The following RBFOX1 variants were observed in gnomAD, a reference collection of about 807,000 sequenced individuals.
RBFOX1 encodes RNA binding protein fox-1 homolog 1.
A neutral mutation model predicts 57.7 loss-of-function variants in RBFOX1; 8 were observed. That is an observed-to-expected ratio of 0.14 (90% CI 0.08 to 0.25). RBFOX1 has a LOEUF of 0.25. Among genes scored for constraint, RBFOX1 ranks in the 10% least tolerant of loss-of-function variants. The pLI is 1.00. For missense variants in RBFOX1, 611 were observed against 548.5 expected, an observed-to-expected ratio of 1.11 and a Z score of -1.14; for synonymous variants, 326 against 222.4, an observed-to-expected ratio of 1.47 and a Z score of -4.15.
At chr16:7,082,354 G>T (rs1349472056) in intron 4 of RBFOX1, among the ~76,000 whole-genome samples, 1 of 152,076 alleles carries the variant, frequency 6.6e-6, no homozygotes, top group Non-Finnish European at 1.5e-5. Context: ...GCCGAGGTGG[G>T]TGGATCATTT....
intron 14 of RBFOX1, among the ~76,000 whole-genome samples, chr16:7,706,045 C>G (rs997087099): frequency 1.3e-5 from 2 of 152,106 alleles, no homozygotes; most frequent in African/African-American, 4.8e-5. Flanking sequence ...TTGCTGTGCT[C>G]TGTCTCCGGG....
chr16:5,750,377 A>G (rs1197546337), intron 3 of RBFOX1, among the ~76,000 whole-genome samples: 1 of 152,178 alleles, frequency 6.6e-6, no homozygotes, highest in African/African-American at 2.4e-5. Flanking sequence ...TGGGAGAACT[A>G]GTACTCTCTT....
At chr16:6,908,438 C>T (rs2070665232) in intron 3 of RBFOX1, among the ~76,000 whole-genome samples, 2 of 146,132 alleles carry the variant, frequency 1.4e-5, no homozygotes, top group African/African-American at 4.9e-5. Flanking sequence ...ATACCTCTGG[C>T]CTCTGGTGTG....
intron 2 of RBFOX1, among the ~76,000 whole-genome samples, chr16:5,531,546 C>G (rs964323514): frequency 1.3e-5 from 2 of 152,170 alleles, no homozygotes; most frequent in African/African-American, 4.8e-5. Context: ...AGCCTTGGCT[C>G]TGCTACATTC....
chr16:6,800,444 A>C (rs117133413), intron 3 of RBFOX1, among the ~76,000 whole-genome samples: 1 of 152,062 alleles, frequency 6.6e-6, no homozygotes, highest in African/African-American at 2.4e-5. Context: ...GGATCTTGCT[A>C]AATGCAAATT....
intron 3 of RBFOX1, among the ~76,000 whole-genome samples, chr16:6,954,660 T>A (rs1195117321): frequency 1.3e-5 from 2 of 152,026 alleles, no homozygotes; most frequent in Non-Finnish European, 2.9e-5. Flanking sequence ...AGTTCTCCAA[T>A]ATCAGGTCAT....
chr16:7,436,447 A>G (rs1375536561), intron 4 of RBFOX1, among the ~76,000 whole-genome samples: 1 of 152,224 alleles, frequency 6.6e-6, no homozygotes, highest in East Asian at 1.9e-4. Flanking sequence ...GACAGTGTCC[A>G]TCAGATCACT....
At chr16:5,697,198 T>C (rs2151473456) in intron 3 of RBFOX1, among the ~76,000 whole-genome samples, 1 of 152,304 alleles carries the variant, frequency 6.6e-6, no homozygotes, top group South Asian at 2.1e-4. Context: ...TAAACTCTAA[T>C]AATCCTAATA....
intron 2 of RBFOX1, among the ~76,000 whole-genome samples, chr16:5,532,120 G>A (rs548409239): frequency 7.2e-5 from 11 of 152,108 alleles, no homozygotes; most frequent in Non-Finnish European, 1.0e-4. Context: ...CTTGATCAGG[G>A]CTTCCCAACC....
At chr16:6,804,936 T>C (rs759097589) in intron 3 of RBFOX1, among the ~76,000 whole-genome samples, 5 of 152,192 alleles carry the variant, frequency 3.3e-5, no homozygotes, top group Non-Finnish European at 5.9e-5. Flanking sequence ...TCTCATATGC[T>C]GTTGGTCGGA....
intron 3 of RBFOX1, among the ~76,000 whole-genome samples, chr16:6,795,778 G>T (rs912778499): frequency 1.5e-5 from 2 of 134,528 alleles, no homozygotes; most frequent in Non-Finnish European, 3.3e-5. Flanking sequence ...AATAAAAAAT[G>T]AAAAAAAAAA....
intron 2 of RBFOX1, among the ~76,000 whole-genome samples, chr16:6,322,399 A>G (rs1466736090): frequency 6.6e-6 from 1 of 152,152 alleles, no homozygotes. Flanking sequence ...AAACATGTTT[A>G]TTTCCCAGCT....
intron 4 of RBFOX1, among the ~76,000 whole-genome samples, chr16:7,450,175 C>A (rs2098840456): frequency 6.6e-6 from 1 of 151,934 alleles, no homozygotes; most frequent in Non-Finnish European, 1.5e-5. Flanking sequence ...GTGGGTGGAT[C>A]ACAAGGTCAG....
Position 7,080,787 on chromosome 16 carries a change from G to A in RBFOX1, c.27+28689G>A, listed in dbSNP as rs747647742. ...GCAAGGTATCATCATCATTCATTGCGTGGAAGACCACAACAAACTCTTGAC... is the reference window on the plus strand; with the variant it reads ...GCAAGGTATCATCATCATTCATTGCATGGAAGACCACAACAAACTCTTGAC... On this transcript the variant is annotated intron_variant, in intron 4 of 15. Transcript: ENST00000550418. Among the ~76,000 whole-genome samples the A allele has an allele frequency of 7.8e-4, 118 of 152,210 alleles. No homozygotes were observed. The Middle Eastern group carries it at 0.01, about 13-fold the overall frequency.
intron 3 of RBFOX1, among the ~76,000 whole-genome samples, chr16:6,804,391 C>G (rs911306970): frequency 6.6e-6 from 1 of 152,070 alleles, no homozygotes; most frequent in Non-Finnish European, 1.5e-5. Context: ...TCCCTAATGC[C>G]CCATCTAGCC....
intron 2 of RBFOX1, among the ~76,000 whole-genome samples, chr16:6,474,324 C>T (rs939805260): frequency 3.3e-5 from 5 of 152,182 alleles, no homozygotes; most frequent in African/African-American, 1.2e-4. Context: ...TTAATCATAT[C>T]CCGTGGTCCA....
intron 4 of RBFOX1, among the ~76,000 whole-genome samples, chr16:5,880,423 G>A (rs559988071): frequency 2.0e-5 from 3 of 152,320 alleles, no homozygotes; most frequent in South Asian, 2.1e-4. Context: ...AAGTCTCCAA[G>A]GGATGATACG....
At chr16:6,857,394 C>T (rs563641606) in intron 3 of RBFOX1, among the ~76,000 whole-genome samples, 12 of 151,832 alleles carry the variant, frequency 7.9e-5, no homozygotes, top group East Asian at 1.9e-4. Flanking sequence ...CTCCATCCTA[C>T]GAAGCATGGG....
chr16:7,488,507 C>T (rs148850032), intron 4 of RBFOX1, among the ~76,000 whole-genome samples: 1 of 152,216 alleles, frequency 6.6e-6, no homozygotes, highest in East Asian at 1.9e-4. Context: ...TACATTCATC[C>T]ATTGTCTACC....
Sources: gnomAD v4.1 joint callset for allele counts (sites outside exome capture counted in the v4.1 genomes callset) on GRCh38, gnomAD v4.1.1 for gene constraint, MANE v1.5 for transcripts, NCBI Gene and HGNC (gene_info 2026-07-23, HGNC 2026-07-21) for gene names.